Variants in TECRL observed in about 807,000 individuals in gnomAD.
The protein encoded by TECRL is trans-2,3-enoyl-CoA reductase-like.
TECRL carries 63 observed loss-of-function variants against 52.8 expected under a neutral mutation model. The ratio of observed to expected loss-of-function variants is 1.19; its 90% CI spans 0.97 to 1.47. TECRL has a LOEUF of 1.47. Ranked by LOEUF, TECRL falls within the 40% of genes most tolerant of loss-of-function variation. The probability of loss-of-function intolerance (pLI) is 0.00; values close to 1 mark genes in which losing one functional copy is unlikely to be tolerated. For missense variants in TECRL, 482 were observed against 429.6 expected (o/e 1.12, Z -1.08); for synonymous variants, 164 against 141.9 (o/e 1.16, Z -1.10).
intron 2 of TECRL, among the ~76,000 whole-genome samples, chr4:64,372,543 G>C (rs1392797597): frequency 6.6e-6 from 1 of 151,558 alleles, no homozygotes; most frequent in African/African-American, 2.4e-5. Context: ...ACAAACCTTG[G>C]AAGAACATTA....
At chr4:64,348,002 T>C (rs967696051) in intron 2 of TECRL, among the ~76,000 whole-genome samples, 1 of 152,190 alleles carries the variant, frequency 6.6e-6, no homozygotes, top group Non-Finnish European at 1.5e-5. Flanking sequence ...CTGTGTCAAC[T>C]TCTACTCACT....
At chr4:64,383,197 TTCTC>T (rs2109715409) in intron 1 of TECRL, among the ~76,000 whole-genome samples, 1 of 152,288 alleles carries the variant, frequency 6.6e-6, no homozygotes, top group African/African-American at 2.4e-5. Flanking sequence ...TTTTTTAGTA[TTCTC>T]TCTGTCTTTG....
chr4:64,345,033 C>G (rs865925773), intron 2 of TECRL, among the ~76,000 whole-genome samples: 2 of 152,026 alleles, frequency 1.3e-5, no homozygotes, highest in African/African-American at 4.8e-5. Flanking sequence ...GTTAGAATGG[C>G]GATCATTAAA....
intron 3 of TECRL, among the ~76,000 whole-genome samples, chr4:64,324,687 T>C (rs908462470): frequency 6.6e-6 from 1 of 152,106 alleles, no homozygotes; most frequent in Non-Finnish European, 1.5e-5. Context: ...ATGTATATGG[T>C]TCTCTGGGTA....
chr4:64,338,202 A>G (rs1280162105), intron 2 of TECRL, among the ~76,000 whole-genome samples: 1 of 152,188 alleles, frequency 6.6e-6, no homozygotes, highest in African/African-American at 2.4e-5. Context: ...TATTTAACAA[A>G]TGGTGCTGGG....
intron 1 of TECRL, among the ~76,000 whole-genome samples, chr4:64,395,500 C>G (rs186480733): frequency 9.2e-5 from 14 of 152,204 alleles, no homozygotes; most frequent in African/African-American, 3.1e-4. Flanking sequence ...ACCAAGTTAG[C>G]TAATGATTTG....
At chr4:64,327,681 G>A (rs949115166) in intron 3 of TECRL, among the ~76,000 whole-genome samples, 17 of 151,930 alleles carry the variant, frequency 1.1e-4, no homozygotes, top group Admixed American at 3.3e-4. Flanking sequence ...CTCAGAGAAC[G>A]ATTAAATGTT....
downstream of TECRL, chr4:64,277,119 T>A (rs1399217304): frequency 6.6e-6 from 7 of 1,053,232 alleles, no homozygotes; most frequent in African/African-American, 1.1e-4. Context: ...TTAACTAAGG[T>A]ATGTCTGCCA....
intron 2 of TECRL, among the ~76,000 whole-genome samples, chr4:64,364,603 A>G (rs1721464103): frequency 6.6e-6 from 1 of 152,016 alleles, no homozygotes; most frequent in Non-Finnish European, 1.5e-5. Context: ...ACAAAAAGAA[A>G]CTCAGAGACT....
chr4:64,353,518 G>A (rs907690143), intron 2 of TECRL, among the ~76,000 whole-genome samples: 2 of 152,150 alleles, frequency 1.3e-5, no homozygotes, highest in African/African-American at 2.4e-5. Context: ...GATATAGAAT[G>A]TAAGAGAGAC....
At chr4:64,345,112 C>A (rs1015122260) in intron 2 of TECRL, among the ~76,000 whole-genome samples, 1 of 152,144 alleles carries the variant, frequency 6.6e-6, no homozygotes, top group African/African-American at 2.4e-5. Context: ...GTTGGTGGGA[C>A]TGTAAACTAG....
At chr4:64,312,291 T>A (rs924289829) in intron 5 of TECRL, among the ~76,000 whole-genome samples, 12 of 152,218 alleles carry the variant, frequency 7.9e-5, no homozygotes, top group Non-Finnish European at 1.8e-4. Context: ...CTGTGATTAT[T>A]TTCTAAATCT....
At chr4:64,281,229 T>C in intron 10 of TECRL, 143 bp from the exon 11 acceptor site, 1 of 584,676 alleles carries the variant, frequency 1.7e-6, no homozygotes, top group Non-Finnish European at 2.9e-6. Flanking sequence ...AATAATTTAA[T>C]TTTTACATAT....
chr4:64,300,777 T>A (rs1723973734), intron 7 of TECRL, among the ~76,000 whole-genome samples: 3 of 151,068 alleles, frequency 2.0e-5, no homozygotes, highest in African/African-American at 7.2e-5. Context: ...AATGTGCGTT[T>A]TTCACCTAAC....
Position 64,290,129 on chromosome 4 carries a change from T to C in TECRL, c.775-362A>G, listed in dbSNP as rs147369848. On this transcript the variant is annotated intron_variant, in intron 8 of 11. Coordinates refer to ENST00000381210, the MANE Select transcript of TECRL (RefSeq NM_001010874.5). Reference sequence around the variant, plus strand: ...CATATTTGGCATAGCTTCGTATTAATCTCAGTTCATTAACAGTAAAAATAT... The same window carrying C: ...CATATTTGGCATAGCTTCGTATTAACCTCAGTTCATTAACAGTAAAAATAT... Among the ~76,000 whole-genome samples, 840 of 152,318 alleles carry C rather than the reference T, an allele frequency of 5.5e-3. 10 individuals are homozygous for C. The highest frequency in any genetic ancestry group is 0.018 in the African/African-American group (765 of 41,584).
At chr4:64,407,391 C>A (rs923123898) in intron 1 of TECRL, among the ~76,000 whole-genome samples, 5 of 151,008 alleles carry the variant, frequency 3.3e-5, no homozygotes, top group Admixed American at 6.6e-5. Flanking sequence ...TTAATTAACA[C>A]GTAAAAATAT....
In TECRL at chr4:64,281,571, G is replaced by A. The variant is rs751099421; in HGVS notation, c.833-12C>T. 4.7e-6 allele frequency: 7 copies of A among 1,499,600 alleles called. No individual in the cohort carries two copies. In the South Asian group the frequency reaches 6.9e-5, roughly 15 times the overall value. 92.9% of individuals were successfully genotyped at this position (1,499,600 alleles called of 1,614,324 possible). ...ACAGGCATTGTTTCCTTTTTCAAAGGAAAGTAAAATGTCAATGATGCTACA... is the reference window on the plus strand; with the variant it reads ...ACAGGCATTGTTTCCTTTTTCAAAGAAAAGTAAAATGTCAATGATGCTACA... On this transcript the variant is annotated splice_polypyrimidine_tract_variant and intron_variant, in intron 9 of 11. Coordinates refer to ENST00000381210, the MANE Select transcript of TECRL (RefSeq NM_001010874.5).
intron 2 of TECRL, among the ~76,000 whole-genome samples, chr4:64,369,983 G>A (rs996391627): frequency 6.6e-6 from 1 of 151,662 alleles, no homozygotes; most frequent in African/African-American, 2.4e-5. Flanking sequence ...TTGAAAGAGT[G>A]AGGAAAATTT....
intron 1 of TECRL, among the ~76,000 whole-genome samples, chr4:64,398,932 G>T (rs10000515): frequency 1.1e-4 from 16 of 151,964 alleles, no homozygotes; most frequent in Non-Finnish European, 1.9e-4. Context: ...AGGTCACTTT[G>T]CTATACCACA....
Sources: allele counts gnomAD v4.1 joint callset (sites outside exome capture counted in the v4.1 genomes callset), GRCh38; gene constraint gnomAD v4.1.1; transcripts MANE v1.5; gene names NCBI Gene and HGNC (gene_info 2026-07-23, HGNC 2026-07-21).